AAK1: variants seen among roughly 807,000 people sequenced by gnomAD.
The protein encoded by AAK1 is AP2-associated protein kinase 1.
A neutral mutation model predicts 116.0 loss-of-function variants in AAK1; 37 were observed. That is an observed-to-expected ratio of 0.32 (90% CI 0.25 to 0.42). The LOEUF (loss-of-function observed/expected upper bound fraction) is 0.42, where lower values mean the gene tolerates loss of function less well. AAK1 is among the 10% of genes least tolerant of loss of function. The pLI is 1.00. For synonymous variants in AAK1, 458 were observed against 439.9 expected, an observed-to-expected ratio of 1.04 and a Z score of -0.51; for missense variants, 919 against 1,170.6, an observed-to-expected ratio of 0.79 and a Z score of 3.14.
Position 69,462,391 on chromosome 2 carries a change from A to G in AAK1, c.*13478T>C, listed in dbSNP as rs952197745. On this transcript the variant is annotated 3_prime_UTR_variant, in exon 22 of 22. Coordinates refer to ENST00000409085, the MANE Select transcript of AAK1 (RefSeq NM_014911.5). ...AATAATAATTTAAAAAAAAAAAAAG[A>G]ATTTCTGGGCCAGGTGCGGTGGCTC... The G allele has an allele frequency of 6.6e-6, 1 of 151,512 alleles. No homozygotes were observed. Among genetic ancestry groups the G allele is most frequent in the African/African-American group, 2.4e-5 (1 of 41,130 alleles). The allele number at this position is 151,512 out of a possible 1,614,324, so 9.4% of individuals were successfully genotyped here.
intron 2 of AAK1, among the ~76,000 whole-genome samples, chr2:69,594,299 A>C (rs1673165667): frequency 6.6e-6 from 1 of 152,240 alleles, no homozygotes; most frequent in Non-Finnish European, 1.5e-5. Flanking sequence ...GCTCTAGTTC[A>C]AGTAGGAGGA....
rs901142901 is a variant in AAK1 at position 69,643,686 on chromosome 2, G to A, written c.-346C>T. On this transcript the variant is annotated 5_prime_UTR_variant, in exon 1 of 22. Coordinates refer to ENST00000409085, the MANE Select transcript of AAK1 (RefSeq NM_014911.5). ...CGGCGCTGCAGCGAGAGCCGGGGCC[G>A]CGCTCGGCTCCCGCCCGCCCGCCAG... The A allele has an allele frequency of 8.2e-7, 1 of 1,221,702 alleles. No individual in the cohort carries two copies. Among genetic ancestry groups the A allele is most frequent in the African/African-American group, 1.6e-5 (1 of 63,916 alleles). 75.7% of individuals were successfully genotyped at this position (1,221,702 alleles called of 1,614,324 possible). A position where few individuals can be genotyped will look rare whatever the true frequency, so the allele number is the denominator to read the frequency against.
intron 2 of AAK1, among the ~76,000 whole-genome samples, chr2:69,632,354 G>T (rs1283269423): frequency 1.3e-5 from 2 of 152,196 alleles, no homozygotes; most frequent in African/African-American, 4.8e-5. Context: ...GCCACAGTAG[G>T]CTGTGTATGT....
At chr2:69,588,242 T>C (rs1396421296) in intron 2 of AAK1, among the ~76,000 whole-genome samples, 1 of 152,184 alleles carries the variant, frequency 6.6e-6, no homozygotes, top group Non-Finnish European at 1.5e-5. Context: ...CCGGCACACA[T>C]CTAAACACAG....
At chr2:69,632,857 C>T (rs1230622260) in intron 2 of AAK1, among the ~76,000 whole-genome samples, 2 of 151,930 alleles carry the variant, frequency 1.3e-5, no homozygotes, top group Non-Finnish European at 1.5e-5. Flanking sequence ...CACGGTGAAA[C>T]CCCGTCTCTA....
At chr2:69,610,171 G>A (rs922684550) in intron 2 of AAK1, among the ~76,000 whole-genome samples, 6 of 151,192 alleles carry the variant, frequency 4.0e-5, no homozygotes, top group Non-Finnish European at 8.8e-5. Flanking sequence ...GAGACTAATA[G>A]AATAAAATAG....
Position 69,541,755 on chromosome 2 carries a change from C to A in AAK1, c.534+768G>T, listed in dbSNP as rs150894579. ...AGAGATTCAGTGTGGAACCTACCAG[C>A]CTGCATTTAACAAGCATGCTAGGGG... On this transcript the variant is annotated intron_variant, in intron 5 of 21. Coordinates refer to ENST00000409085, the MANE Select transcript of AAK1 (RefSeq NM_014911.5). 8.5e-5 allele frequency among the ~76,000 whole-genome samples: 13 copies of A among 152,206 alleles called. No homozygotes were observed. The East Asian group carries it at 2.5e-3, about 29-fold the overall frequency.
intron 5 of AAK1, among the ~76,000 whole-genome samples, chr2:69,535,247 T>C (rs1670414960): frequency 2.0e-5 from 3 of 152,214 alleles, no homozygotes; most frequent in Admixed American, 6.5e-5. Context: ...AAAGGATAAA[T>C]GCTTGAGGTG....
intron 13 of AAK1, among the ~76,000 whole-genome samples, chr2:69,511,521 G>T (rs1408467627): frequency 6.6e-6 from 1 of 152,234 alleles, no homozygotes; most frequent in African/African-American, 2.4e-5. Context: ...AGTTGTGCCT[G>T]TAACAGCTGG....
At chr2:69,559,890 T>G (rs1671557642) in intron 2 of AAK1, among the ~76,000 whole-genome samples, 2 of 152,182 alleles carry the variant, frequency 1.3e-5, no homozygotes, top group Non-Finnish European at 2.9e-5. Flanking sequence ...ATGGGAGCAG[T>G]GTAGTTTTCT....
intron 2 of AAK1, among the ~76,000 whole-genome samples, chr2:69,571,097 G>C (rs1672077254): frequency 6.6e-6 from 1 of 152,116 alleles, no homozygotes. Flanking sequence ...TTCTCTCACA[G>C]GGCAAGGATT....
At chr2:69,493,812 G>A (rs1368460011) in intron 17 of AAK1, among the ~76,000 whole-genome samples, 3 of 152,144 alleles carry the variant, frequency 2.0e-5, no homozygotes, top group African/African-American at 4.8e-5. Flanking sequence ...ATGACACAAG[G>A]GAACAAAACT....
At chr2:69,564,384 T>C (rs1204536665) in intron 2 of AAK1, among the ~76,000 whole-genome samples, 12 of 151,950 alleles carry the variant, frequency 7.9e-5, no homozygotes, top group Admixed American at 7.9e-4. Context: ...AAAGTAGCTC[T>C]ACTTTTAGCT....
intron 2 of AAK1, among the ~76,000 whole-genome samples, chr2:69,580,095 T>C (rs922251499): frequency 7.2e-5 from 11 of 152,198 alleles, no homozygotes; most frequent in Non-Finnish European, 1.5e-4. Context: ...ATCTTGATGA[T>C]TTGTCTCCAT....
chr2:69,475,789 T>C lies in AAK1; in HGVS notation c.*80A>G. 2 of 1,502,824 alleles carry C rather than the reference T, an allele frequency of 1.3e-6. No individual in the cohort carries two copies. The highest frequency in any genetic ancestry group is 1.8e-6 in the Non-Finnish European group (2 of 1,115,092). The allele number at this position is 1,502,824 out of a possible 1,614,324, so 93.1% of individuals were successfully genotyped here. Reference sequence around the variant, plus strand: ...TTATTTGCAGATTTTTTTAAAAAAATCATTTTTTTCATAACTCCGTAATGA... The same window carrying C: ...TTATTTGCAGATTTTTTTAAAAAAACCATTTTTTTCATAACTCCGTAATGA... On this transcript the variant is annotated 3_prime_UTR_variant, in exon 22 of 22. Coordinates refer to ENST00000409085, the MANE Select transcript of AAK1 (RefSeq NM_014911.5).
chr2:69,639,652 C>A (rs75452720), intron 2 of AAK1, among the ~76,000 whole-genome samples: 4,367 of 152,148 alleles, frequency 0.029, 208 homozygotes, highest in African/African-American at 0.1. Flanking sequence ...AAGCACAGAC[C>A]AATACCCACG....
At chr2:69,554,400 T>C (rs535574637) in intron 3 of AAK1, among the ~76,000 whole-genome samples, 1 of 152,154 alleles carries the variant, frequency 6.6e-6, no homozygotes, top group South Asian at 2.1e-4. Context: ...AACAAGACCA[T>C]TAATAATTTT....
intron 12 of AAK1, 99 bp from the exon 13 acceptor site, chr2:69,514,848 A>G (rs528163566): frequency 1.5e-6 from 2 of 1,349,784 alleles, no homozygotes; most frequent in Non-Finnish European, 2.0e-6. Context: ...CTAAAGCCAA[A>G]GGCAAGGGCA....
At chr2:69,624,880 A>G (rs1269605632) in intron 2 of AAK1, among the ~76,000 whole-genome samples, 2 of 152,206 alleles carry the variant, frequency 1.3e-5, no homozygotes, top group Non-Finnish European at 2.9e-5. Context: ...AATGCCTTAC[A>G]TTGAATGTGT....
Sources: gnomAD v4.1 joint callset for allele counts (sites outside exome capture counted in the v4.1 genomes callset) on GRCh38, gnomAD v4.1.1 for gene constraint, MANE v1.5 for transcripts, NCBI Gene and HGNC (gene_info 2026-07-23, HGNC 2026-07-21) for gene names.